The following HNRNPC variants were observed in gnomAD, a reference collection of about 807,000 sequenced individuals.
The protein encoded by HNRNPC is heterogeneous nuclear ribonucleoprotein C.
HNRNPC carries 3 observed loss-of-function variants against 33.2 expected under a neutral mutation model. The observed-to-expected ratio is 0.09, with a 90% CI of 0.04 to 0.23. HNRNPC has a LOEUF of 0.23. Ranked by LOEUF, HNRNPC falls within the 10% of genes least tolerant of loss-of-function variation. HNRNPC has a pLI of 1.00. For synonymous variants in HNRNPC, 121 were observed against 126.7 expected (o/e 0.96, Z 0.30); for missense variants, 143 against 366.7 (o/e 0.39, Z 4.98).
At chr14:21,218,205 C>T (rs987083274) in intron 5 of HNRNPC, among the ~76,000 whole-genome samples, 2 of 152,146 alleles carry the variant, frequency 1.3e-5, no homozygotes, top group Non-Finnish European at 2.9e-5. Context: ...CTCAAGTGAT[C>T]CACCAGCCTC....
At chr14:21,254,184 T>C (rs1674109112) in intron 2 of HNRNPC, among the ~76,000 whole-genome samples, 1 of 152,122 alleles carries the variant, frequency 6.6e-6, no homozygotes, top group South Asian at 2.1e-4. Context: ...ACAACTGTAG[T>C]TTTGACTGTC....
chr14:21,247,784 T>C (rs1290499887), intron 2 of HNRNPC, among the ~76,000 whole-genome samples: 9 of 145,596 alleles, frequency 6.2e-5, no homozygotes, highest in African/African-American at 2.1e-4. Context: ...ACCCCATCTC[T>C]ACTAACATGG....
At chr14:21,247,183 A>C (rs1401533070) in intron 2 of HNRNPC, among the ~76,000 whole-genome samples, 1 of 151,984 alleles carries the variant, frequency 6.6e-6, no homozygotes, top group Non-Finnish European at 1.5e-5. Context: ...TGTTTTGACA[A>C]CTCTTGTTGG....
intron 2 of HNRNPC, among the ~76,000 whole-genome samples, chr14:21,248,994 G>A (rs1023442152): frequency 2.4e-4 from 36 of 152,352 alleles, no homozygotes; most frequent in Admixed American, 1.7e-3. Context: ...TGACATTGAC[G>A]TGGAGGAGCA....
intron 2 of HNRNPC, among the ~76,000 whole-genome samples, chr14:21,243,766 T>G (rs1895634108): frequency 6.6e-6 from 1 of 152,216 alleles, no homozygotes; most frequent in Non-Finnish European, 1.5e-5. Context: ...TGCTTGGAAC[T>G]GAATCTTTTA....
chr14:21,257,975 T>A (rs2138992881), intron 2 of HNRNPC, among the ~76,000 whole-genome samples: 1 of 152,314 alleles, frequency 6.6e-6, no homozygotes, highest in South Asian at 2.1e-4. Context: ...CATATACACA[T>A]CTTTAAGCCA....
rs138709605 is a variant in HNRNPC, at chr14:21,253,704, T to G, written c.-37+9607A>C. On this transcript the variant is annotated intron_variant, in intron 2 of 8. Coordinates refer to ENST00000553300, the MANE Select transcript of HNRNPC (RefSeq NM_004500.4). ...ATTCACAAAACTAGAAATTAAGTATTAGTGGCCGCTAACACTGCCAATAAA... is the reference window on the plus strand; with the variant it reads ...ATTCACAAAACTAGAAATTAAGTATGAGTGGCCGCTAACACTGCCAATAAA... 8.3e-3 allele frequency among the ~76,000 whole-genome samples: 1,265 copies of G among 152,170 alleles called. 13 individuals carry two copies. Among genetic ancestry groups the G allele is most frequent in the African/African-American group, 0.029 (1,186 of 41,496 alleles).
At chr14:21,223,690 C>T (rs8011677) in intron 5 of HNRNPC, among the ~76,000 whole-genome samples, 2 of 151,854 alleles carry the variant, frequency 1.3e-5, no homozygotes, top group Non-Finnish European at 2.9e-5. Context: ...CAGAGGTTGC[C>T]GTGAGCAGTG....
intron 5 of HNRNPC, among the ~76,000 whole-genome samples, chr14:21,217,349 T>C (rs1037031366): frequency 1.3e-5 from 2 of 152,204 alleles, no homozygotes; most frequent in African/African-American, 4.8e-5. Context: ...TAGCATCAGT[T>C]TACCCGGATA....
In HNRNPC at chr14:21,209,995, A is replaced by G. The variant is rs1350446152; in HGVS notation, c.*1228T>C. The G allele has an allele frequency of 6.6e-6, 1 of 152,224 alleles. No individual in the cohort carries two copies. The highest frequency in any genetic ancestry group is 1.9e-4 in the East Asian group (1 of 5,206). The allele number at this position is 152,224 out of a possible 1,614,324, so 9.4% of individuals were successfully genotyped here. A position where few individuals can be genotyped will look rare whatever the true frequency, so the allele number is the denominator to read the frequency against. On this transcript the variant is annotated 3_prime_UTR_variant, in exon 9 of 9. Coordinates refer to ENST00000553300, the MANE Select transcript of HNRNPC (RefSeq NM_004500.4). ...ATTTAGAGTAAAATAAATGTGTAAC[A>G]TTCTCTATGTTCTCAATCACCTGGG...
chr14:21,259,153 G>A (rs180816129), intron 2 of HNRNPC, among the ~76,000 whole-genome samples: 1 of 151,924 alleles, frequency 6.6e-6, no homozygotes, highest in Non-Finnish European at 1.5e-5. Context: ...TTCTTACTTG[G>A]AGGCCAAGTC....
At chr14:21,252,935 G>A (rs1397439789) in intron 2 of HNRNPC, among the ~76,000 whole-genome samples, 2 of 152,140 alleles carry the variant, frequency 1.3e-5, no homozygotes, top group Non-Finnish European at 2.9e-5. Flanking sequence ...CAGCACTTTG[G>A]GAGGCCGAGG....
chr14:21,246,495 G>A (rs1306685002), intron 2 of HNRNPC, among the ~76,000 whole-genome samples: 6 of 151,758 alleles, frequency 4.0e-5, no homozygotes, highest in African/African-American at 9.7e-5. Context: ...GAACCCGGGA[G>A]GCAGAGCTTG....
intron 5 of HNRNPC, among the ~76,000 whole-genome samples, chr14:21,221,898 T>C (rs1892861260): frequency 6.6e-6 from 1 of 150,944 alleles, no homozygotes; most frequent in Non-Finnish European, 1.5e-5. Context: ...AATACAAAAA[T>C]ATTAGCCGGG....
At chr14:21,259,511 T>C (rs965456322) in intron 2 of HNRNPC, among the ~76,000 whole-genome samples, 5 of 152,168 alleles carry the variant, frequency 3.3e-5, no homozygotes, top group African/African-American at 7.2e-5. Flanking sequence ...ACCTCCAAGA[T>C]GTTTAAAATA....
At chr14:21,223,328 G>T (rs962951947) in intron 5 of HNRNPC, among the ~76,000 whole-genome samples, 4 of 152,126 alleles carry the variant, frequency 2.6e-5, no homozygotes, top group Admixed American at 2.0e-4. Flanking sequence ...GCTCAACTCA[G>T]TCATACAGCA....
At chr14:21,252,445 G>A (rs1896777018) in intron 2 of HNRNPC, among the ~76,000 whole-genome samples, 1 of 152,060 alleles carries the variant, frequency 6.6e-6, no homozygotes, top group African/African-American at 2.4e-5. Context: ...CAAGTAGCTG[G>A]GATTACACAC....
chr14:21,256,893 A>T (rs1877317508), intron 2 of HNRNPC, among the ~76,000 whole-genome samples: 2 of 152,102 alleles, frequency 1.3e-5, no homozygotes, highest in South Asian at 4.1e-4. Context: ...AGCTCAAGCG[A>T]TGCGCCTCCC....
intron 2 of HNRNPC, among the ~76,000 whole-genome samples, chr14:21,248,195 A>C (rs1033037543): frequency 1.3e-5 from 2 of 152,112 alleles, no homozygotes; most frequent in African/African-American, 4.8e-5. Context: ...TTAAAAATAA[A>C]ATAACGCCCA....
Sources: allele counts gnomAD v4.1 joint callset (sites outside exome capture counted in the v4.1 genomes callset), GRCh38; gene constraint gnomAD v4.1.1; transcripts MANE v1.5; gene names NCBI Gene and HGNC (gene_info 2026-07-23, HGNC 2026-07-21).